Variants in EXOC4 observed in about 807,000 individuals in gnomAD.
EXOC4 encodes SEC8-like 1.
In EXOC4, 71 loss-of-function variants were observed where a neutral mutation model predicts 107.2. The observed-to-expected ratio is 0.66, with a 90% CI of 0.55 to 0.81. The LOEUF is 0.81. Among genes scored for constraint, EXOC4 ranks in the 30% least tolerant of loss-of-function variants. The pLI is 0.00. For synonymous variants in EXOC4, 456 were observed against 441.2 expected (o/e 1.03, Z -0.42); for missense variants, 1,108 against 1,189.6 (o/e 0.93, Z 1.01).
At chr7:134,068,879 G>GCATT (rs1796224568), downstream of EXOC4, among the ~76,000 whole-genome samples, 2 of 152,280 alleles carry the variant, frequency 1.3e-5, no homozygotes, top group African/African-American at 4.8e-5. Context: ...TAGCACTAAT[G>GCATT]CATTCATTCA....
At chr7:133,457,164 A>G (rs916047185) in intron 7 of EXOC4, among the ~76,000 whole-genome samples, 2 of 152,212 alleles carry the variant, frequency 1.3e-5, no homozygotes, top group African/African-American at 4.8e-5. Flanking sequence ...GCTTTTCAGA[A>G]TAGTAGGACT....
intron 10 of EXOC4, among the ~76,000 whole-genome samples, chr7:133,756,732 G>GAA (rs1795925610): frequency 6.6e-6 from 1 of 152,180 alleles, no homozygotes; most frequent in Non-Finnish European, 1.5e-5. Context: ...ACAGGTGGGA[G>GAA]ACTTTATGTG....
the EXOC4 span, among the ~76,000 whole-genome samples, chr7:134,092,393 T>A: frequency 6.6e-6 from 1 of 151,966 alleles, no homozygotes; most frequent in Non-Finnish European, 1.5e-5. Flanking sequence ...CAATAGAAAT[T>A]GAGGAAGTCC....
intron 12 of EXOC4, among the ~76,000 whole-genome samples, chr7:133,912,229 G>A (rs928253782): frequency 1.3e-5 from 2 of 152,188 alleles, no homozygotes; most frequent in East Asian, 1.9e-4. Flanking sequence ...TGTTTCCAAA[G>A]GGAGAGATCA....
At chr7:133,283,980 T>C (rs1410567796) in intron 2 of EXOC4, among the ~76,000 whole-genome samples, 3 of 152,220 alleles carry the variant, frequency 2.0e-5, no homozygotes, top group Non-Finnish European at 2.9e-5. Flanking sequence ...GACTTTCTAA[T>C]CATAAAGCAG....
At chr7:133,259,018 G>A (rs560320710) in intron 1 of EXOC4, among the ~76,000 whole-genome samples, 24 of 152,076 alleles carry the variant, frequency 1.6e-4, no homozygotes, top group Non-Finnish European at 2.9e-4. Flanking sequence ...ATTGTGTATT[G>A]TACAAATTTG....
intron 12 of EXOC4, among the ~76,000 whole-genome samples, chr7:133,906,092 A>C (rs1253586198): frequency 6.6e-6 from 1 of 152,198 alleles, no homozygotes; most frequent in Non-Finnish European, 1.5e-5. Flanking sequence ...GAGTGCTTTC[A>C]TAGGTCTTGG....
chr7:133,321,430 T>C (rs181502038), intron 5 of EXOC4, among the ~76,000 whole-genome samples: 5 of 152,244 alleles, frequency 3.3e-5, no homozygotes, highest in African/African-American at 1.2e-4. Context: ...AGCCCCGCCC[T>C]GACCGAAAGG....
At chr7:133,764,354 A>G (rs1392519055) in intron 10 of EXOC4, among the ~76,000 whole-genome samples, 1 of 152,024 alleles carries the variant, frequency 6.6e-6, no homozygotes, top group African/African-American at 2.4e-5. Context: ...AGTTAATCCA[A>G]ATCGTCAAAA....
chr7:133,676,243 C>T (rs887845621), intron 10 of EXOC4, among the ~76,000 whole-genome samples: 4 of 151,846 alleles, frequency 2.6e-5, no homozygotes, highest in Non-Finnish European at 4.4e-5. Context: ...GTTGTCTGAT[C>T]GCCTTTTATC....
At chr7:133,331,372 A>G (rs1795383641) in intron 5 of EXOC4, among the ~76,000 whole-genome samples, 1 of 152,150 alleles carries the variant, frequency 6.6e-6, no homozygotes, top group Non-Finnish European at 1.5e-5. Context: ...AAAATTATGA[A>G]CAGTTTGCAT....
At chr7:133,994,234 G>T (rs1048129634) in intron 14 of EXOC4, among the ~76,000 whole-genome samples, 1 of 152,174 alleles carries the variant, frequency 6.6e-6, no homozygotes, top group African/African-American at 2.4e-5. Flanking sequence ...ATGTTGCTGT[G>T]TTAGTTTGCT....
intron 10 of EXOC4, among the ~76,000 whole-genome samples, chr7:133,811,605 A>G (rs1206136982): frequency 6.6e-6 from 1 of 152,228 alleles, no homozygotes; most frequent in Non-Finnish European, 1.5e-5. Context: ...GGTTAATAAA[A>G]CTGTTCATTA....
intron 10 of EXOC4, among the ~76,000 whole-genome samples, chr7:133,766,104 A>G (rs955801088): frequency 6.6e-6 from 1 of 151,950 alleles, no homozygotes; most frequent in Admixed American, 6.6e-5. Flanking sequence ...CCCTCCTTCA[A>G]TAAGATTTCT....
chr7:133,520,298 A>C (rs968358507), intron 9 of EXOC4, among the ~76,000 whole-genome samples: 8 of 152,140 alleles, frequency 5.3e-5, no homozygotes, highest in African/African-American at 1.7e-4. Flanking sequence ...TTTTTGTATC[A>C]GTCTCACTTG....
chr7:133,526,097 C>T (rs143908898), intron 9 of EXOC4, among the ~76,000 whole-genome samples: 1 of 152,168 alleles, frequency 6.6e-6, no homozygotes, highest in African/African-American at 2.4e-5. Flanking sequence ...GTATCTTTCA[C>T]TTATTCTGCC....
chr7:133,657,038 T>C (rs1471655796), intron 10 of EXOC4, among the ~76,000 whole-genome samples: 2 of 152,172 alleles, frequency 1.3e-5, no homozygotes, highest in African/African-American at 4.8e-5. Context: ...CTTGTCTTTT[T>C]GTTCTTAGTC....
intron 5 of EXOC4, among the ~76,000 whole-genome samples, chr7:133,340,676 A>G (rs747065595): frequency 2.6e-5 from 4 of 151,358 alleles, no homozygotes; most frequent in Non-Finnish European, 4.4e-5. Context: ...TTTGTTGGCA[A>G]TTTTTTAATT....
chr7:133,939,757 T>A (rs1800385643), intron 14 of EXOC4, among the ~76,000 whole-genome samples: 1 of 152,204 alleles, frequency 6.6e-6, no homozygotes, highest in South Asian at 2.1e-4. Context: ...AAGGATAGTT[T>A]GGGCACAGTA....
Sources: allele counts gnomAD v4.1 joint callset (sites outside exome capture counted in the v4.1 genomes callset), GRCh38; gene constraint gnomAD v4.1.1; transcripts MANE v1.5; gene names NCBI Gene and HGNC (gene_info 2026-07-23, HGNC 2026-07-21).